CHD8: variants seen among roughly 807,000 people sequenced by gnomAD.
CHD8 encodes chromodomain helicase DNA binding protein 8, also known as ATP-dependent chromatin remodeler CHD8.
In CHD8, 31 loss-of-function variants were observed where a neutral mutation model predicts 279.2. That is an observed-to-expected ratio of 0.11 (90% CI 0.08 to 0.15). The LOEUF (loss-of-function observed/expected upper bound fraction) is 0.15. Ranked by LOEUF, CHD8 falls within the 10% of genes least tolerant of loss-of-function variation. CHD8 has a pLI of 1.00. For missense variants in CHD8, 2,146 were observed against 3,230.5 expected, an observed-to-expected ratio of 0.66 and a Z score of 8.14; for synonymous variants, 1,081 against 1,139.6, an observed-to-expected ratio of 0.95 and a Z score of 1.04.
intron 1 of CHD8, among the ~76,000 whole-genome samples, chr14:21,432,581 C>T (rs1477032200): frequency 6.6e-6 from 1 of 152,118 alleles, no homozygotes; most frequent in Non-Finnish European, 1.5e-5. Context: ...CATTCCAGTC[C>T]AACTAGACTA....
chr14:21,393,477 T>G lies in CHD8; in HGVS notation c.6318A>C (p.Leu2106=). The G allele has an allele frequency of 1.9e-6, 3 of 1,561,734 alleles. No homozygotes were observed. The highest frequency in any genetic ancestry group is 1.7e-6 in the Non-Finnish European group (2 of 1,152,354). ...CAACAGCCTGTCACATGCACTCACT[T>G]AGCTTCTCTTCCTTCTCATCCTCAC... The part of the protein sequence containing the change: ...DESEDEKEEK[L]TDQSRSKLYD... The change falls in exon 32 of 38, where the codon CTA becomes CTC. Residue 2106 remains leucine (L), a splice_region_variant and synonymous_variant. Transcript: ENST00000646647.
chr14:21,401,920 C>T (rs756276909), intron 20 of CHD8, 37 bp downstream of exon 20: 2 of 1,544,386 alleles, frequency 1.3e-6, no homozygotes, highest in Admixed American at 4.1e-5. Flanking sequence ...ATTCCGGTCT[C>T]TGTGTTTTTC....
chr14:21,401,129 A>C, intron 21 of CHD8, 58 bp from the exon 22 acceptor site: 1 of 1,279,084 alleles, frequency 7.8e-7, no homozygotes, highest in East Asian at 2.5e-5. Flanking sequence ...TGGGAAAAGA[A>C]TAAGACAATT....
In CHD8 at chr14:21,415,005, G is replaced by T. The variant is rs758594122; in HGVS notation, c.1969-12C>A. 1.2e-5 allele frequency: 19 copies of T among 1,562,932 alleles called. No individual in the cohort carries two copies. Among genetic ancestry groups the T allele is most frequent in the Middle Eastern group, 1.7e-4 (1 of 5,974 alleles). On this transcript the variant is annotated splice_polypyrimidine_tract_variant and intron_variant, in intron 7 of 37. Coordinates refer to ENST00000646647, the MANE Select transcript of CHD8 (RefSeq NM_001170629.2). ...TGTCCAGAAGGGAGCTAAGAAAAAA[G>T]AAATAAATTAGTCACTAGTCCCTTA... is the stretch of plus-strand genomic sequence containing the variant.
At chr14:21,398,925 A>T (rs890051672) in intron 26 of CHD8, 2 of 351,560 alleles carry the variant, frequency 5.7e-6, no homozygotes, top group Admixed American at 7.3e-5. Flanking sequence ...TGACATAGAG[A>T]TGCAGATCTC....
Position 21,391,967 on chromosome 14 carries a change from C to T in CHD8, c.6772-21G>A, listed in dbSNP as rs1300338395. On this transcript the variant is annotated intron_variant, in intron 34 of 37. Transcript: ENST00000646647. Reference sequence around the variant, plus strand: ...TCCTCCTAGGAAGACAACCCACCCACCCAAGACATCATATGGTACATGTTT... The same window carrying T: ...TCCTCCTAGGAAGACAACCCACCCATCCAAGACATCATATGGTACATGTTT... The T allele has an allele frequency of 3.3e-6, 5 of 1,496,024 alleles. No individual in the cohort carries two copies. The Admixed American group carries it at 6.7e-5, about 20-fold the overall frequency. The allele number at this position is 1,496,024 out of a possible 1,614,324, so 92.7% of individuals were successfully genotyped here. A position where few individuals can be genotyped will look rare whatever the true frequency, so the allele number is the denominator to read the frequency against.
rs147550992 is a variant in CHD8 at position 21,393,818 on chromosome 14, T to C, written c.5977A>G (p.Thr1993Ala). 4.0e-5 allele frequency: 64 copies of C among 1,613,902 alleles called. No individual in the cohort carries two copies. The highest frequency in any genetic ancestry group is 5.2e-5 in the Non-Finnish European group (61 of 1,179,872). The stretch of plus-strand genomic sequence containing the variant: ...GGGCGCAGGGGCAGTGGTGAGGCAG[T>C]GCGTGAGGTATACTGCTGGTGCAGC... Reference protein sequence around the residue: ...PLLHQQYTSRTASPLPLRPDA... With the variant: ...PLLHQQYTSRAASPLPLRPDA... The change falls in exon 32 of 38, where the codon ACT (threonine) becomes GCT (alanine). Residue 1993 changes from threonine (T) to alanine (A), a missense_variant. By Grantham distance (58) the Thr-to-Ala change is moderately conservative (BLOSUM62 0). Coordinates refer to ENST00000646647, the MANE Select transcript of CHD8 (RefSeq NM_001170629.2).
intron 37 of CHD8, 99 bp downstream of exon 37, chr14:21,390,848 G>A (rs972940794): frequency 2.9e-6 from 2 of 678,642 alleles, no homozygotes; most frequent in African/African-American, 1.8e-5. Flanking sequence ...AACAAACATA[G>A]GAAAAAAGAT....
At chr14:21,437,286 C>T (rs1208320605) in intron 1 of CHD8, 2 of 1,137,854 alleles carry the variant, frequency 1.8e-6, no homozygotes, top group Non-Finnish European at 2.2e-6. Context: ...GATGCTCCTG[C>T]CCGCCCCGCG....
chr14:21,394,781 G>A, intron 30 of CHD8, 131 bp downstream of exon 30: 2 of 961,288 alleles, frequency 2.1e-6, no homozygotes, highest in Admixed American at 2.7e-5. Flanking sequence ...ATTTCTACAG[G>A]TTTAACTACC....
At position 21,453,497 on chromosome 14, in the gene CHD8, G is replaced by C. The variant is rs141561561; in HGVS notation, c.-216+2535C>G. On this transcript the variant is annotated intron_variant, in intron 1 of 37. Transcript: ENST00000646647. ...TTAAAGTGAGATAAGAAACATGATAGTCTGTCAATGAATCAAATGCTAAAG... is the reference window on the plus strand; with the variant it reads ...TTAAAGTGAGATAAGAAACATGATACTCTGTCAATGAATCAAATGCTAAAG... 4.3e-3 allele frequency among the ~76,000 whole-genome samples: 650 copies of C among 152,020 alleles called. 21 individuals carry two copies. Among genetic ancestry groups the C allele is most frequent in the African/African-American group, 0.015 (614 of 41,294 alleles).
intron 5 of CHD8, among the ~76,000 whole-genome samples, chr14:21,417,655 C>A (rs532413614): frequency 6.6e-6 from 1 of 151,798 alleles, no homozygotes; most frequent in African/African-American, 2.4e-5. Flanking sequence ...GAGATTGAGA[C>A]CATCCTGGCT....
chr14:21,438,814 C>A (rs775855246), intron 1 of CHD8, among the ~76,000 whole-genome samples: 1 of 145,340 alleles, frequency 6.9e-6, no homozygotes, highest in African/African-American at 2.6e-5. Flanking sequence ...GGTGACACAG[C>A]GAGACTCTGT....
intron 26 of CHD8, chr14:21,398,721 A>T (rs555069531): frequency 6.5e-6 from 1 of 153,398 alleles, no homozygotes; most frequent in Non-Finnish European, 1.5e-5. Flanking sequence ...CTGCTATAAG[A>T]GTAAGGAAAT....
intron 5 of CHD8, chr14:21,419,748 G>A (rs1031521682): frequency 9.1e-5 from 30 of 328,488 alleles, no homozygotes; most frequent in Admixed American, 8.5e-4. Context: ...CACCACCCTG[G>A]GAGGTACCAG....
rs1887989502 is a variant in CHD8 at position 21,400,631 on chromosome 14, T to A, written c.4371-19A>T. 3 of 1,547,818 alleles carry A rather than the reference T, an allele frequency of 1.9e-6. No individual in the cohort carries two copies. The highest frequency in any genetic ancestry group is 2.8e-5 in the African/African-American group (2 of 72,014). On this transcript the variant is annotated intron_variant, in intron 22 of 37. Transcript: ENST00000646647. The surrounding 1 kb of genome is among the most constrained non-coding windows in gnomAD (Gnocchi z 4.2). ...TCCCCAACTAAAAAACAGAAAACTA[T>A]ATTAACATTTTTCTGAGAAATGACA...
Position 21,415,739 on chromosome 14 carries a change from T to A in CHD8, c.1885A>T (p.Met629Leu), listed in dbSNP as rs757161902. The change falls in exon 6 of 38, where the codon ATG becomes TTG. Residue 629 changes from methionine (M) to leucine (L), a missense_variant. This residue lies in a region of CHD8 where 24 missense variants were observed against 56.7 expected (regional missense o/e 0.42). Transcript: ENST00000646647. ...QEPDGETLPS[M>L]QFFVENPSEE... is the part of the protein sequence containing the mutation. ...TTACAGCTTACCACAAAGAACTGCA[T>A]GGAAGGCAAAGTCTCGCCATCTGGT... The A allele has an allele frequency of 6.8e-6, 11 of 1,613,822 alleles. No individual in the cohort carries two copies. The highest frequency in any genetic ancestry group is 2.2e-5 in the South Asian group (2 of 91,076).
At chr14:21,394,661 G>A (rs935843478) in intron 30 of CHD8, 176 bp from the exon 31 acceptor site, 13 of 598,778 alleles carry the variant, frequency 2.2e-5, no homozygotes, top group Admixed American at 3.2e-5. Flanking sequence ...TCTGTAATGA[G>A]TAAGAATTAC....
At chr14:21,404,224 C>T (rs192015639) in intron 16 of CHD8, among the ~76,000 whole-genome samples, 60 of 151,790 alleles carry the variant, frequency 4.0e-4, no homozygotes, top group Non-Finnish European at 3.4e-4. Context: ...GTGGCGAAAC[C>T]CTGTCTCTAC....
Sources: gnomAD v4.1 joint callset for allele counts (sites outside exome capture counted in the v4.1 genomes callset) on GRCh38, gnomAD v4.1.1 for gene constraint, gnomAD v4.1.1 regional missense constraint, Gnocchi (gnomAD v3.1) non-coding constraint, MANE v1.5 for transcripts, NCBI Gene and HGNC (gene_info 2026-07-23, HGNC 2026-07-21) for gene names.